NCAM2: variants seen among roughly 807,000 people sequenced by gnomAD.
NCAM2 encodes N-CAM-2.
NCAM2 carries 30 observed loss-of-function variants against 98.1 expected under a neutral mutation model. That is an observed-to-expected ratio of 0.31 (90% confidence interval 0.23 to 0.41). The LOEUF (loss-of-function observed/expected upper bound fraction) is 0.41, where lower values mean the gene tolerates loss of function less well. Among genes scored for constraint, NCAM2 ranks in the 10% least tolerant of loss-of-function variants. NCAM2 has a pLI of 1.00. For missense variants in NCAM2, 867 were observed against 1,005.8 expected (o/e 0.86, Z 1.87); for synonymous variants, 368 against 342.4 (o/e 1.07, Z -0.83).
intron 5 of NCAM2, among the ~76,000 whole-genome samples, chr21:21,301,051 G>A (rs2073694842): frequency 6.6e-6 from 1 of 151,894 alleles, no homozygotes; most frequent in Admixed American, 6.6e-5. Flanking sequence ...GTATTTGTTC[G>A]TGTCCTTTGC....
rs140155545 is a variant in NCAM2, at chr21:21,302,225, A to G, written c.619+9984A>G. Among the ~76,000 whole-genome samples, 509 of 152,140 alleles carry G rather than the reference A, an allele frequency of 3.3e-3. 4 individuals carry two copies. Among genetic ancestry groups the G allele is most frequent in the African/African-American group, 0.011 (457 of 41,530 alleles). Reference sequence around the variant, plus strand: ...TTGGAACCAACCCAAATGTCCAACAATGATAGACTGGATTAAGTTTGGGGT... The same window carrying G: ...TTGGAACCAACCCAAATGTCCAACAGTGATAGACTGGATTAAGTTTGGGGT... On this transcript the variant is annotated intron_variant, in intron 5 of 17. Transcript: ENST00000400546.
intron 15 of NCAM2, among the ~76,000 whole-genome samples, chr21:21,504,238 G>A (rs905119316): frequency 6.6e-6 from 1 of 151,858 alleles, no homozygotes; most frequent in Non-Finnish European, 1.5e-5. Context: ...TTAGGGGTTA[G>A]TATGTGACTT....
intron 1 of NCAM2, among the ~76,000 whole-genome samples, chr21:21,160,628 C>G (rs1569091752): frequency 6.6e-6 from 1 of 151,914 alleles, no homozygotes; most frequent in Non-Finnish European, 1.5e-5. Context: ...TCTGTGAAAT[C>G]ATTTCTTTAT....
At chr21:21,155,190 C>T (rs1279322052) in intron 1 of NCAM2, among the ~76,000 whole-genome samples, 1 of 150,768 alleles carries the variant, frequency 6.6e-6, no homozygotes, top group African/African-American at 2.4e-5. Context: ...TTGTAAGATA[C>T]TACACTAAAG....
chr21:21,147,066 C>T (rs2067298689), intron 1 of NCAM2: 4 of 965,774 alleles, frequency 4.1e-6, no homozygotes, highest in Non-Finnish European at 4.9e-6. Context: ...GCCTTCTACT[C>T]CGGAACTGAT....
At chr21:21,216,927 C>T (rs1291092666) in intron 1 of NCAM2, among the ~76,000 whole-genome samples, 2 of 152,102 alleles carry the variant, frequency 1.3e-5, no homozygotes, top group Admixed American at 1.3e-4. Flanking sequence ...AAGCAGGTAG[C>T]TTGGAAACCT....
intron 1 of NCAM2, among the ~76,000 whole-genome samples, chr21:21,226,373 G>A (rs2070384067): frequency 6.6e-6 from 1 of 152,026 alleles, no homozygotes; most frequent in Non-Finnish European, 1.5e-5. Flanking sequence ...AAGGGAAACA[G>A]AAACAAATGT....
At chr21:21,526,623 A>C (rs1989337084) in intron 16 of NCAM2, among the ~76,000 whole-genome samples, 1 of 152,256 alleles carries the variant, frequency 6.6e-6, no homozygotes. Flanking sequence ...TGACAAATTG[A>C]TTCTAAAGTT....
chr21:21,241,704 T>C (rs1173342603), intron 1 of NCAM2, among the ~76,000 whole-genome samples: 4 of 128,142 alleles, frequency 3.1e-5, no homozygotes, highest in African/African-American at 1.3e-4. Context: ...AAACCAAGGC[T>C]CTGTTTTTTT....
At chr21:21,251,820 T>C (rs952653957) in intron 1 of NCAM2, among the ~76,000 whole-genome samples, 4 of 151,810 alleles carry the variant, frequency 2.6e-5, no homozygotes, top group Non-Finnish European at 4.4e-5. Context: ...GATGAGTAGA[T>C]TGCAAAAATG....
intron 1 of NCAM2, among the ~76,000 whole-genome samples, chr21:21,263,499 T>C (rs1453322190): frequency 6.6e-6 from 1 of 151,884 alleles, no homozygotes; most frequent in Admixed American, 6.6e-5. Flanking sequence ...GTTCAAAAAA[T>C]TTTTTAAAAA....
intron 5 of NCAM2, among the ~76,000 whole-genome samples, chr21:21,299,595 TTCCC>T (rs1208309445): frequency 2.0e-5 from 3 of 151,464 alleles, no homozygotes; most frequent in Non-Finnish European, 4.4e-5. Context: ...CCTTCCCTCC[TTCCC>T]TCCCTCCCTC....
At chr21:21,469,160 C>A (rs1029013157) in intron 14 of NCAM2, among the ~76,000 whole-genome samples, 11 of 151,958 alleles carry the variant, frequency 7.2e-5, no homozygotes, top group African/African-American at 2.4e-4. Context: ...AAAAATCACA[C>A]CTCAAAACAA....
At chr21:21,478,155 T>G (rs1985404409) in intron 15 of NCAM2, among the ~76,000 whole-genome samples, 1 of 152,116 alleles carries the variant, frequency 6.6e-6, no homozygotes. Flanking sequence ...GAAGTAAAGA[T>G]GCAAAAATTT....
At chr21:21,305,160 A>G (rs1247147886) in intron 5 of NCAM2, among the ~76,000 whole-genome samples, 3 of 152,092 alleles carry the variant, frequency 2.0e-5, no homozygotes, top group Admixed American at 2.0e-4. Context: ...TCTATTAAAA[A>G]TACAAAAATT....
At chr21:21,243,077 A>G (rs983533242) in intron 1 of NCAM2, among the ~76,000 whole-genome samples, 1 of 152,178 alleles carries the variant, frequency 6.6e-6, no homozygotes, top group Non-Finnish European at 1.5e-5. Context: ...GAATGTAGAG[A>G]TGAAGCAGGG....
At chr21:21,228,429 C>A (rs2070478840) in intron 1 of NCAM2, among the ~76,000 whole-genome samples, 1 of 150,428 alleles carries the variant, frequency 6.6e-6, no homozygotes, top group Admixed American at 6.7e-5. Flanking sequence ...ACTGTAATAA[C>A]AGATAAGTAA....
intron 5 of NCAM2, among the ~76,000 whole-genome samples, chr21:21,306,918 A>T (rs901731098): frequency 6.6e-6 from 1 of 151,274 alleles, no homozygotes. Context: ...TGATGTTTAG[A>T]TCCTACAAAT....
rs560592590 is a variant in NCAM2 at position 21,062,809 on chromosome 21, A to T, written c.55+64191A>T. Among the ~76,000 whole-genome samples, 11 of 152,342 alleles carry T rather than the reference A, an allele frequency of 7.2e-5. No individual in the cohort carries two copies. In the South Asian group the frequency reaches 1.2e-3, roughly 17 times the overall value. ...TACAATGTAAACATTTTCAGAAAAA[A>T]ATTCCTAAGTTTATCAGCATTTAAA... On this transcript the variant is annotated intron_variant, in intron 1 of 17. Transcript: ENST00000400546.
Sources: allele counts gnomAD v4.1 joint callset (sites outside exome capture counted in the v4.1 genomes callset), GRCh38; gene constraint gnomAD v4.1.1; transcripts MANE v1.5; gene names NCBI Gene and HGNC (gene_info 2026-07-23, HGNC 2026-07-21).